Variants in VPS41 observed in about 807,000 individuals in gnomAD.
The protein encoded by VPS41 is VPS41 subunit of HOPS complex, also known as vacuolar protein sorting-associated protein 41 homolog.
VPS41 carries 85 observed loss-of-function variants against 130.9 expected under a neutral mutation model. That is an observed-to-expected ratio of 0.65 (90% CI 0.55 to 0.78). The LOEUF is 0.78. Ranked by LOEUF, VPS41 falls within the 30% of genes least tolerant of loss-of-function variation. VPS41 has a pLI of 0.00. For missense variants in VPS41, 874 were observed against 1,018.7 expected, an observed-to-expected ratio of 0.86 and a Z score of 1.93; for synonymous variants, 335 against 332.9, an observed-to-expected ratio of 1.01 and a Z score of -0.07.
chr7:38,888,566 C>T (rs1201116370), intron 2 of VPS41, among the ~76,000 whole-genome samples: 1 of 152,168 alleles, frequency 6.6e-6, no homozygotes, highest in Non-Finnish European at 1.5e-5. Context: ...GACTCCCACA[C>T]AGTAATAATG....
intron 22 of VPS41, among the ~76,000 whole-genome samples, chr7:38,749,185 G>A (rs1796044982): frequency 6.6e-6 from 1 of 151,824 alleles, no homozygotes; most frequent in Non-Finnish European, 1.5e-5. Context: ...TAGGGCTTTT[G>A]ATGTGACGTC....
chr7:38,846,662 G>C (rs954025372), intron 4 of VPS41, among the ~76,000 whole-genome samples: 4 of 152,130 alleles, frequency 2.6e-5, no homozygotes, highest in Non-Finnish European at 5.9e-5. Context: ...AGATTACTTG[G>C]GCAGCTGTGT....
In VPS41 at chr7:38,772,575, C is replaced by A. The variant is rs779846421; in HGVS notation, c.1075G>T (p.Glu359Ter). ...TCAATGTGATCATCTTGGTCTCGTT[C>A]CTTGGCCACTACAACATCTCTCGGA... ...VSPRDVVVAK[E>*]RDQDDHIDWL... Residue 359 changes from glutamate (E) to a stop codon, truncating the protein, a stop_gained, in exon 13 of 29, where the codon GAA becomes TAA. Transcript: ENST00000310301. LOFTEE classifies it high-confidence loss of function. 6.2e-6 allele frequency: 10 copies of A among 1,613,600 alleles called. No individual in the cohort carries two copies. The highest frequency in any genetic ancestry group is 8.5e-6 in the Non-Finnish European group (10 of 1,179,688).
At chr7:38,893,437 A>G (rs1169614386) in intron 2 of VPS41, among the ~76,000 whole-genome samples, 1 of 152,248 alleles carries the variant, frequency 6.6e-6, no homozygotes, top group Non-Finnish European at 1.5e-5. Context: ...TTTACACAAG[A>G]GCAATCATCC....
chr7:38,867,862 C>T (rs566006659), intron 3 of VPS41, among the ~76,000 whole-genome samples: 1 of 152,060 alleles, frequency 6.6e-6, no homozygotes, highest in African/African-American at 2.4e-5. Context: ...CTGAGGGGCA[C>T]AACGGGAAGA....
At chr7:38,909,126 G>A (rs1425250159) in intron 1 of VPS41, 28 bp downstream of exon 1, 1 of 1,613,554 alleles carries the variant, frequency 6.2e-7, no homozygotes. Context: ...ATATCCCTGT[G>A]CCCTCAACTA....
At chr7:38,826,057 G>GGGACTCTGGC (rs1259386260) in intron 5 of VPS41, among the ~76,000 whole-genome samples, 1 of 152,188 alleles carries the variant, frequency 6.6e-6, no homozygotes, top group Non-Finnish European at 1.5e-5. Context: ...GGTAGCTAAA[G>GGGACTCTGGC]GGACTCTGGC....
intron 12 of VPS41, among the ~76,000 whole-genome samples, chr7:38,773,541 T>C (rs1428364254): frequency 2.6e-5 from 4 of 152,208 alleles, no homozygotes; most frequent in Non-Finnish European, 5.9e-5. Context: ...TTCATTAATA[T>C]ATTTTACAAG....
At position 38,725,617 on chromosome 7, in the gene VPS41, CTT is replaced by C. The variant is rs956803691; in HGVS notation, c.*627_*628del. The C allele has an allele frequency of 6.6e-6, 1 of 152,302 alleles. No homozygotes were observed. The highest frequency in any genetic ancestry group is 2.4e-5 in the African/African-American group (1 of 41,458). The allele number at this position is 152,302 out of a possible 1,614,324, so 9.4% of individuals were successfully genotyped here. On this transcript the variant is annotated 3_prime_UTR_variant, in exon 29 of 29. Coordinates refer to ENST00000310301, the MANE Select transcript of VPS41 (RefSeq NM_014396.4). ...TGAGTGTCCGCCATGGCCAGATACT[CTT>C]TGACAGTCGTCACAGCACACAGAAC...
intron 2 of VPS41, among the ~76,000 whole-genome samples, chr7:38,873,956 T>C (rs1365100335): frequency 6.6e-6 from 1 of 152,196 alleles, no homozygotes; most frequent in African/African-American, 2.4e-5. Flanking sequence ...AGTGTTACCA[T>C]GGGGTAAATT....
At chr7:38,736,366 G>A (rs1795767218) in intron 25 of VPS41, among the ~76,000 whole-genome samples, 1 of 152,224 alleles carries the variant, frequency 6.6e-6, no homozygotes, top group Non-Finnish European at 1.5e-5. Flanking sequence ...AGATGATACT[G>A]GTGTGCAGCC....
At chr7:38,752,721 G>C (rs1185133851) in intron 21 of VPS41, among the ~76,000 whole-genome samples, 1 of 152,128 alleles carries the variant, frequency 6.6e-6, no homozygotes, top group Non-Finnish European at 1.5e-5. Context: ...ATCATCATTG[G>C]TATCTGCTTT....
intron 2 of VPS41, among the ~76,000 whole-genome samples, chr7:38,886,442 G>C (rs548156014): frequency 1.3e-5 from 2 of 152,314 alleles, no homozygotes; most frequent in East Asian, 1.9e-4. Flanking sequence ...GAGCTTGGTG[G>C]GGGGAGGGGT....
At chr7:38,870,169 G>A (rs965267503) in intron 2 of VPS41, among the ~76,000 whole-genome samples, 2 of 152,136 alleles carry the variant, frequency 1.3e-5, no homozygotes, top group African/African-American at 4.8e-5. Context: ...GGGATGGAGT[G>A]ACAAAACTGG....
rs1204409370 is a variant in VPS41 at position 38,906,619 on chromosome 7, A to T, written c.21+2535T>A. Among the ~76,000 whole-genome samples, 4 of 152,130 alleles carry T rather than the reference A, an allele frequency of 2.6e-5. No homozygotes were observed. In the East Asian group the frequency reaches 5.8e-4, roughly 22 times the overall value. ...CTCCCAAAGTGCTGGGATTACAGGTATGGGCCATTGTGCCTGGTCCACGAC... is the reference window on the plus strand; with the variant it reads ...CTCCCAAAGTGCTGGGATTACAGGTTTGGGCCATTGTGCCTGGTCCACGAC... On this transcript the variant is annotated intron_variant, in intron 1 of 28. Coordinates refer to ENST00000310301, the MANE Select transcript of VPS41 (RefSeq NM_014396.4).
At chr7:38,837,152 A>T (rs558071341) in intron 4 of VPS41, among the ~76,000 whole-genome samples, 3 of 149,860 alleles carry the variant, frequency 2.0e-5, no homozygotes, top group Non-Finnish European at 4.5e-5. Flanking sequence ...TGTGTAATAG[A>T]CAGGAACATC....
chr7:38,780,917 G>A (rs1189003976), intron 10 of VPS41, among the ~76,000 whole-genome samples: 2 of 151,924 alleles, frequency 1.3e-5, no homozygotes, highest in African/African-American at 4.8e-5. Context: ...GAAGTGTGTG[G>A]CATCTACCCC....
intron 6 of VPS41, among the ~76,000 whole-genome samples, chr7:38,818,403 G>C (rs867880141): frequency 6.6e-6 from 1 of 152,060 alleles, no homozygotes; most frequent in African/African-American, 2.4e-5. Flanking sequence ...CAGGCCCAAA[G>C]AGCTAACCGT....
chr7:38,767,542 T>A lies in VPS41; in HGVS notation c.1242A>T (p.Ala414=). The change falls in exon 15 of 29, where the codon GCA becomes GCT. Residue 414 remains alanine, a synonymous_variant. Coordinates refer to ENST00000310301, the MANE Select transcript of VPS41 (RefSeq NM_014396.4). ...TGTGAAAATGTCATCATTACCGTGC[T>A]GCTATGTCATAGTCTCCTCTCTCCA... The part of the protein sequence containing the change: ...HLVERGDYDI[A]ARKCQKILGK... The A allele has an allele frequency of 6.2e-7, 1 of 1,602,980 alleles. No homozygotes were observed. Among genetic ancestry groups the A allele is most frequent in the Non-Finnish European group, 8.5e-7 (1 of 1,172,332 alleles).
Sources: allele counts gnomAD v4.1 joint callset (sites outside exome capture counted in the v4.1 genomes callset), GRCh38; gene constraint gnomAD v4.1.1; transcripts MANE v1.5; gene names NCBI Gene and HGNC (gene_info 2026-07-23, HGNC 2026-07-21).